The following GABBR2 variants were observed in gnomAD, a reference collection of about 807,000 sequenced individuals.
The protein encoded by GABBR2 is G-protein coupled receptor 51.
GABBR2 carries 23 observed loss-of-function variants against 105.6 expected under a neutral mutation model. The ratio of observed to expected loss-of-function variants is 0.22; its 90% CI spans 0.16 to 0.31. The LOEUF is 0.31. GABBR2 is among the 10% of genes least tolerant of loss of function. GABBR2 has a pLI of 1.00. For missense variants in GABBR2, 734 were observed against 1,245.5 expected (o/e 0.59, Z 6.18); for synonymous variants, 478 against 499.7 (o/e 0.96, Z 0.58).
chr9:98,588,621 A>C (rs1215317806), intron 1 of GABBR2, among the ~76,000 whole-genome samples: 1 of 152,234 alleles, frequency 6.6e-6, no homozygotes, highest in African/African-American at 2.4e-5. Flanking sequence ...CAAGTTGCAC[A>C]CAGTGAGTGA....
chr9:98,349,634 G>C (rs569567902), intron 13 of GABBR2, among the ~76,000 whole-genome samples: 2 of 152,196 alleles, frequency 1.3e-5, no homozygotes, highest in Admixed American at 1.3e-4. Flanking sequence ...GATTACAGGC[G>C]TGAGCCACTG....
chr9:98,534,455 T>A (rs80056900), intron 3 of GABBR2, among the ~76,000 whole-genome samples: 13,537 of 152,250 alleles, frequency 0.089, 825 homozygotes, highest in South Asian at 0.15. Context: ...ATTCTGGATG[T>A]TAATAAAAAT....
At chr9:98,666,432 C>A (rs750454779) in intron 1 of GABBR2, among the ~76,000 whole-genome samples, 1 of 152,186 alleles carries the variant, frequency 6.6e-6, no homozygotes, top group East Asian at 1.9e-4. Flanking sequence ...AGAGACATTG[C>A]CCCCAAAAGA....
intron 5 of GABBR2, among the ~76,000 whole-genome samples, chr9:98,476,353 G>A (rs528898275): frequency 6.6e-6 from 1 of 152,268 alleles, no homozygotes; most frequent in African/African-American, 2.4e-5. Context: ...AGTCAATTTT[G>A]ATGAAGACAA....
intron 7 of GABBR2, among the ~76,000 whole-genome samples, chr9:98,435,773 C>T (rs1056010421): frequency 1.3e-5 from 2 of 152,126 alleles, no homozygotes; most frequent in African/African-American, 2.4e-5. Flanking sequence ...TAGTTAGCTC[C>T]TATTTGTTCT....
chr9:98,406,432 C>T (rs753247217), intron 7 of GABBR2, among the ~76,000 whole-genome samples: 6 of 152,230 alleles, frequency 3.9e-5, no homozygotes, highest in East Asian at 1.9e-4. Context: ...TAAACACCCA[C>T]GTGTCCGTGC....
At chr9:98,305,702 C>A (rs1255819311) in intron 15 of GABBR2, among the ~76,000 whole-genome samples, 1 of 151,840 alleles carries the variant, frequency 6.6e-6, no homozygotes, top group African/African-American at 2.4e-5. Context: ...GTAGTCCCAG[C>A]TACTTGGTAG....
At chr9:98,510,955 C>G (rs11787931) in intron 3 of GABBR2, among the ~76,000 whole-genome samples, 17,167 of 151,742 alleles carry the variant, frequency 0.11, 1,606 homozygotes, top group East Asian at 0.49. Context: ...AATATACATT[C>G]TTTTCAGCAC....
chr9:98,398,006 A>C (rs1420877695), intron 8 of GABBR2, among the ~76,000 whole-genome samples: 1 of 152,226 alleles, frequency 6.6e-6, no homozygotes, highest in Non-Finnish European at 1.5e-5. Flanking sequence ...TGATAGGCAC[A>C]CAGCCCTCTC....
intron 7 of GABBR2, among the ~76,000 whole-genome samples, chr9:98,418,498 G>T (rs1312917123): frequency 6.6e-6 from 1 of 152,066 alleles, no homozygotes; most frequent in African/African-American, 2.4e-5. Context: ...TTGTGCCAGT[G>T]TACTCCAGCC....
chr9:98,708,890 A>T lies in GABBR2; in HGVS notation c.-153T>A. On this transcript the variant is annotated 5_prime_UTR_variant, in exon 1 of 19. Transcript: ENST00000259455. The stretch of plus-strand genomic sequence containing the variant: ...GGCTAGGGTTCCGGCTCGGCTCAGA[A>T]CGGCCGCGGCGGCGGCGGCGGCAGC... The T allele has an allele frequency of 4.0e-6, 1 of 249,974 alleles. No homozygotes were observed. Among genetic ancestry groups the T allele is most frequent in the Non-Finnish European group, 5.5e-6 (1 of 181,622 alleles). The allele number at this position is 249,974 out of a possible 1,614,324, so 15.5% of individuals were successfully genotyped here. A position where few individuals can be genotyped will look rare whatever the true frequency, so the allele number is the denominator to read the frequency against.
chr9:98,299,077 TC>T (rs1483788779), intron 17 of GABBR2, 146 bp downstream of exon 17: 14 of 713,686 alleles, frequency 2.0e-5, no homozygotes, highest in Non-Finnish European at 3.2e-5. Context: ...AGACAGAGGT[TC>T]CAGATGCTCC....
intron 3 of GABBR2, among the ~76,000 whole-genome samples, chr9:98,513,555 T>C (rs1318506619): frequency 6.8e-6 from 1 of 147,632 alleles, no homozygotes; most frequent in African/African-American, 2.5e-5. Context: ...CAAACAATTT[T>C]ACAAAAAAAA....
chr9:98,490,284 T>C (rs1827149851), intron 4 of GABBR2, among the ~76,000 whole-genome samples: 1 of 152,160 alleles, frequency 6.6e-6, no homozygotes, highest in African/African-American at 2.4e-5. Context: ...TAGAACAGCA[T>C]TCCCTATACT....
At chr9:98,608,906 T>C (rs542703804) in intron 1 of GABBR2, among the ~76,000 whole-genome samples, 1 of 152,266 alleles carries the variant, frequency 6.6e-6, no homozygotes, top group African/African-American at 2.4e-5. Flanking sequence ...TTACACTTTA[T>C]GGTAAGTAGC....
chr9:98,388,248 C>A lies in GABBR2; in HGVS notation c.1529+606G>T, dbSNP rs1832111745. Among the ~76,000 whole-genome samples, 1 of 152,224 alleles carries A rather than the reference C, an allele frequency of 6.6e-6. No homozygotes were observed. On this transcript the variant is annotated intron_variant, in intron 10 of 18. Transcript: ENST00000259455. This position sits in a 1 kb window ranked among gnomAD's most constrained non-coding sequence, Gnocchi z 4.4. ...AAATTAAGACAAGAAACCAAGAAGA[C>A]AGTCTGCCACGAGTGGACAGCAGCA...
At chr9:98,368,617 T>C (rs1048045304) in intron 12 of GABBR2, among the ~76,000 whole-genome samples, 1 of 152,252 alleles carries the variant, frequency 6.6e-6, no homozygotes, top group African/African-American at 2.4e-5. Flanking sequence ...ACGGTTGATG[T>C]GTTCTTGCTT....
intron 7 of GABBR2, among the ~76,000 whole-genome samples, chr9:98,409,122 G>A (rs1428680159): frequency 6.6e-6 from 1 of 152,254 alleles, no homozygotes; most frequent in Non-Finnish European, 1.5e-5. Context: ...AGGCCAGCAT[G>A]GCCGGAACAC....
intron 11 of GABBR2, among the ~76,000 whole-genome samples, chr9:98,383,914 G>A (rs1219985894): frequency 2.0e-5 from 3 of 152,136 alleles, no homozygotes; most frequent in South Asian, 2.1e-4. Flanking sequence ...AGGGTGCTTC[G>A]TTTAAGCATC....
Sources: allele counts gnomAD v4.1 joint callset (sites outside exome capture counted in the v4.1 genomes callset), GRCh38; gene constraint gnomAD v4.1.1; non-coding constraint Gnocchi (gnomAD v3.1); transcripts MANE v1.5; gene names NCBI Gene and HGNC (gene_info 2026-07-23, HGNC 2026-07-21).